Variants in SPAG16 observed in about 807,000 individuals in gnomAD.
SPAG16 encodes the protein sperm associated antigen 16, also known as sperm-associated antigen 16 protein.
A neutral mutation model predicts 80.4 loss-of-function variants in SPAG16; 86 were observed. The ratio of observed to expected loss-of-function variants is 1.07; its 90% CI spans 0.90 to 1.28. SPAG16 has a LOEUF of 1.28. Among genes scored for constraint, SPAG16 ranks in the 50% most tolerant of loss-of-function variants. The probability of loss-of-function intolerance (pLI) is 0.00; values close to 1 mark genes in which losing one functional copy is unlikely to be tolerated. For synonymous variants in SPAG16, 294 were observed against 265.9 expected, an observed-to-expected ratio of 1.11 and a Z score of -1.03; for missense variants, 870 against 765.3, an observed-to-expected ratio of 1.14 and a Z score of -1.61.
At chr2:213,311,651 A>G (rs2063190731) in intron 4 of SPAG16, among the ~76,000 whole-genome samples, 1 of 151,634 alleles carries the variant, frequency 6.6e-6, no homozygotes, top group African/African-American at 2.4e-5. Flanking sequence ...GGTTCAAGTA[A>G]TTTTATCCTT....
At chr2:214,377,599 A>G (rs1320276715) in intron 15 of SPAG16, among the ~76,000 whole-genome samples, 1 of 151,788 alleles carries the variant, frequency 6.6e-6, no homozygotes, top group Non-Finnish European at 1.5e-5. Flanking sequence ...GTGCTAATCG[A>G]CTGTTTACGT....
chr2:213,802,727 A>C (rs2071496540), intron 10 of SPAG16, among the ~76,000 whole-genome samples: 5 of 152,152 alleles, frequency 3.3e-5, no homozygotes, highest in Admixed American at 3.3e-4. Context: ...AAAATATATA[A>C]ACTGTGATTA....
intron 15 of SPAG16, among the ~76,000 whole-genome samples, chr2:214,215,926 T>C (rs2058420562): frequency 6.6e-6 from 1 of 152,220 alleles, no homozygotes. Context: ...AAAACATGAC[T>C]CTGTTTCTAA....
At chr2:213,814,075 G>A (rs955528436) in intron 10 of SPAG16, among the ~76,000 whole-genome samples, 5 of 152,104 alleles carry the variant, frequency 3.3e-5, no homozygotes, top group Admixed American at 3.3e-4. Flanking sequence ...TGAATTGATT[G>A]ATTTTAAGAA....
At chr2:213,462,282 T>C (rs12617636) in intron 9 of SPAG16, among the ~76,000 whole-genome samples, 41,198 of 152,130 alleles carry the variant, frequency 0.27, 6,455 homozygotes, top group Middle Eastern at 0.45. Flanking sequence ...GCAGACAGTA[T>C]ATGGAGTTAA....
intron 1 of SPAG16, among the ~76,000 whole-genome samples, chr2:213,293,411 A>C (rs1427521457): frequency 1.3e-5 from 2 of 152,176 alleles, no homozygotes; most frequent in African/African-American, 4.8e-5. Flanking sequence ...CCATGTAACC[A>C]GTGGGATATT....
chr2:213,512,420 C>T (rs879669824), intron 10 of SPAG16, among the ~76,000 whole-genome samples: 8 of 152,138 alleles, frequency 5.3e-5, no homozygotes, highest in African/African-American at 9.7e-5. Flanking sequence ...AAGGGAAGTG[C>T]TTCCTGTATT....
At position 213,936,537 on chromosome 2, in the gene SPAG16, T is replaced by G. The variant is rs1018325634; in HGVS notation, c.1400+6392T>G. On this transcript the variant is annotated intron_variant, in intron 12 of 15. Transcript: ENST00000331683. ...AATCCAGGCCAAAGATGTAGAAGGT[T>G]TCAGCCATGAGAATAGTGAAAGTCA... is the stretch of plus-strand genomic sequence containing the variant. 3.9e-5 allele frequency among the ~76,000 whole-genome samples: 6 copies of G among 152,254 alleles called. No homozygotes were observed. The South Asian group carries it at 1.2e-3, about 32-fold the overall frequency.
chr2:213,977,709 A>G (rs2045490653), intron 12 of SPAG16, among the ~76,000 whole-genome samples: 1 of 152,022 alleles, frequency 6.6e-6, no homozygotes, highest in African/African-American at 2.4e-5. Flanking sequence ...GTTCACACTG[A>G]GTAATTTTTA....
intron 14 of SPAG16, among the ~76,000 whole-genome samples, chr2:214,147,203 A>C (rs1212916579): frequency 6.6e-6 from 1 of 152,160 alleles, no homozygotes; most frequent in East Asian, 1.9e-4. Context: ...ATATTGACTC[A>C]CTTTCATATT....
Position 214,140,585 on chromosome 2 carries a change from T to A in SPAG16, c.1594-8555T>A, listed in dbSNP as rs1472155974. ...TTGGGAAAATAATTTATTTTTATAC[T>A]CATGATAACTTTTAAAATATTTTAA... On this transcript the variant is annotated intron_variant, in intron 14 of 15. Transcript: ENST00000331683. Among the ~76,000 whole-genome samples, 8 of 152,196 alleles carry A rather than the reference T, an allele frequency of 5.3e-5. No homozygotes were observed. The East Asian group carries it at 1.5e-3, about 29-fold the overall frequency.
intron 10 of SPAG16, among the ~76,000 whole-genome samples, chr2:213,859,592 A>G (rs1219652936): frequency 6.6e-6 from 1 of 152,232 alleles, no homozygotes; most frequent in Non-Finnish European, 1.5e-5. Context: ...TGATATTTAT[A>G]GTACACATAG....
At chr2:213,747,836 T>C (rs1429803054) in intron 10 of SPAG16, among the ~76,000 whole-genome samples, 4 of 152,166 alleles carry the variant, frequency 2.6e-5, no homozygotes, top group African/African-American at 7.2e-5. Context: ...AGCAGAAAGA[T>C]CATTTATTTG....
At chr2:213,476,711 C>T (rs2073416083) in intron 9 of SPAG16, among the ~76,000 whole-genome samples, 1 of 152,162 alleles carries the variant, frequency 6.6e-6, no homozygotes, top group Non-Finnish European at 1.5e-5. Context: ...CTTCTTCACT[C>T]CCATAGCTCA....
At chr2:213,692,652 T>A (rs966381416) in intron 10 of SPAG16, among the ~76,000 whole-genome samples, 13 of 151,724 alleles carry the variant, frequency 8.6e-5, no homozygotes, top group Non-Finnish European at 1.5e-4. Flanking sequence ...CTACTAAAAA[T>A]ACAAAAAATT....
intron 10 of SPAG16, among the ~76,000 whole-genome samples, chr2:213,645,802 C>A (rs992604290): frequency 3.3e-5 from 5 of 152,080 alleles, no homozygotes; most frequent in Admixed American, 6.5e-5. Flanking sequence ...TGTCTGTGAG[C>A]CTAGTTCAGC....
chr2:213,707,939 T>C (rs755951189), intron 10 of SPAG16, among the ~76,000 whole-genome samples: 19 of 152,148 alleles, frequency 1.2e-4, no homozygotes, highest in Non-Finnish European at 2.2e-4. Context: ...TGAACAATGA[T>C]AGAGTAATGA....
intron 11 of SPAG16, among the ~76,000 whole-genome samples, chr2:213,871,817 T>C (rs2075956413): frequency 6.7e-6 from 1 of 148,986 alleles, no homozygotes; most frequent in African/African-American, 2.5e-5. Flanking sequence ...ATACAGACTT[T>C]ACTGAATTAC....
chr2:213,358,688 G>C (rs1262802464), intron 7 of SPAG16, among the ~76,000 whole-genome samples: 1 of 151,962 alleles, frequency 6.6e-6, no homozygotes, highest in Admixed American at 6.6e-5. Context: ...TAGCTTCCTT[G>C]CGATGGGTTA....
Sources: allele counts gnomAD v4.1 joint callset (sites outside exome capture counted in the v4.1 genomes callset), GRCh38; gene constraint gnomAD v4.1.1; transcripts MANE v1.5; gene names NCBI Gene and HGNC (gene_info 2026-07-23, HGNC 2026-07-21).